FAM118A: variants seen among roughly 807,000 people sequenced by gnomAD.
FAM118A encodes the protein protein FAM118A.
In FAM118A, 25 loss-of-function variants were observed where a neutral mutation model predicts 38.2. The ratio of observed to expected loss-of-function variants is 0.65; its 90% CI spans 0.48 to 0.91. FAM118A has a LOEUF of 0.91. Among genes scored for constraint, FAM118A ranks in the 40% least tolerant of loss-of-function variants. The probability of loss-of-function intolerance (pLI) is 0.00; values close to 1 mark genes in which losing one functional copy is unlikely to be tolerated. For missense variants in FAM118A, 425 were observed against 463.3 expected (o/e 0.92, Z 0.76); for synonymous variants, 178 against 184.1 (o/e 0.97, Z 0.27).
chr22:45,327,627 GTC>G (rs1198228818), intron 3 of FAM118A, among the ~76,000 whole-genome samples: 3 of 152,160 alleles, frequency 2.0e-5, no homozygotes, highest in South Asian at 4.1e-4. Context: ...GCCTGCCCCC[GTC>G]TCTGCCGTGC....
intron 1 of FAM118A, among the ~76,000 whole-genome samples, chr22:45,319,936 T>A (rs1162074762): frequency 6.6e-6 from 1 of 152,134 alleles, no homozygotes; most frequent in Non-Finnish European, 1.5e-5. Context: ...TGGGGTAAGG[T>A]CGCAGACATG....
At chr22:45,327,726 C>A in intron 3 of FAM118A, 116 bp from the exon 4 acceptor site, 1 of 1,063,924 alleles carries the variant, frequency 9.4e-7, no homozygotes, top group South Asian at 1.4e-5. Context: ...GCTGTGAAGC[C>A]AGATTTTCTT....
intron 1 of FAM118A, among the ~76,000 whole-genome samples, chr22:45,314,210 C>T (rs1477579841): frequency 1.3e-5 from 2 of 152,150 alleles, no homozygotes; most frequent in African/African-American, 4.8e-5. Context: ...TTATCTGTTC[C>T]CACCCCGCCC....
chr22:45,312,086 G>A (rs2084394313), intron 1 of FAM118A, among the ~76,000 whole-genome samples: 3 of 152,234 alleles, frequency 2.0e-5, no homozygotes, highest in Admixed American at 6.5e-5. Context: ...ACCACCCATC[G>A]TGCTTTTTCT....
At chr22:45,335,465 C>T (rs113499350) in intron 7 of FAM118A, 83 bp downstream of exon 7, 183 of 1,510,082 alleles carry the variant, frequency 1.2e-4, no homozygotes, top group Middle Eastern at 1.7e-4. Context: ...AAATCATAAA[C>T]GTTTGTTTTT....
intron 3 of FAM118A, among the ~76,000 whole-genome samples, chr22:45,326,428 C>T (rs1180746628): frequency 2.0e-5 from 3 of 152,220 alleles, no homozygotes; most frequent in African/African-American, 7.2e-5. Flanking sequence ...TGGCTCATGC[C>T]TGTAATCCCA....
At chr22:45,331,889 C>T (rs892573191) in intron 5 of FAM118A, among the ~76,000 whole-genome samples, 8 of 113,348 alleles carry the variant, frequency 7.1e-5, no homozygotes, top group Non-Finnish European at 1.3e-4. Flanking sequence ...CAGTCATGGT[C>T]ACTGATCCCC....
chr22:45,328,929 G>A (rs900055550), intron 4 of FAM118A: 15 of 158,414 alleles, frequency 9.5e-5, no homozygotes, highest in Admixed American at 9.2e-4. Flanking sequence ...AGTGGCAGAA[G>A]GCAGAGTGGG....
chr22:45,332,382 G>C (rs1425811136), intron 5 of FAM118A, 43 bp from the exon 6 acceptor site: 2 of 1,579,240 alleles, frequency 1.3e-6, no homozygotes, highest in Non-Finnish European at 1.7e-6. Flanking sequence ...AGCTCTTGCT[G>C]TCTTTCAAAT....
intron 7 of FAM118A, 49 bp from the exon 8 acceptor site, chr22:45,336,279 C>A: frequency 1.4e-6 from 2 of 1,479,444 alleles, no homozygotes; most frequent in Non-Finnish European, 9.4e-7. Context: ...TGTGCCTTGG[C>A]GAGTGGATTC....
At chr22:45,326,050 C>T (rs866449820) in intron 3 of FAM118A, among the ~76,000 whole-genome samples, 1 of 151,922 alleles carries the variant, frequency 6.6e-6, no homozygotes, top group South Asian at 2.1e-4. Context: ...TTTCTTGTGC[C>T]GGCCAAGCAA....
intron 3 of FAM118A, among the ~76,000 whole-genome samples, chr22:45,325,336 C>T (rs1393370809): frequency 3.3e-5 from 5 of 152,124 alleles, no homozygotes; most frequent in African/African-American, 4.8e-5. Context: ...TGTTGAGAGT[C>T]GGAGAACAGG....
chr22:45,330,569 A>T, intron 4 of FAM118A, 34 bp from the exon 5 acceptor site: 3 of 1,488,920 alleles, frequency 2.0e-6, no homozygotes, highest in Non-Finnish European at 2.7e-6. Context: ...CAGTTTGAGG[A>T]TGTGTTTCTT....
In FAM118A at chr22:45,341,118, A is replaced by G. The variant is rs1459534729; in HGVS notation, c.*713A>G. On this transcript the variant is annotated 3_prime_UTR_variant, in exon 9 of 9. Coordinates refer to ENST00000441876, the MANE Select transcript of FAM118A (RefSeq NM_017911.4). ...GCGCCCAGCAAAATAAACACATTTT[A>G]TAATTTGTATGTGGAAACATGTTAC... is the stretch of plus-strand genomic sequence containing the variant. 1 of 152,246 alleles carries G rather than the reference A, an allele frequency of 6.6e-6. No homozygotes were observed. Among genetic ancestry groups the G allele is most frequent in the African/African-American group, 2.4e-5 (1 of 41,464 alleles). The allele number at this position is 152,246 out of a possible 1,614,324, so 9.4% of individuals were successfully genotyped here.
intron 1 of FAM118A, among the ~76,000 whole-genome samples, chr22:45,315,427 A>G (rs1202232384): frequency 1.3e-5 from 2 of 152,254 alleles, no homozygotes; most frequent in African/African-American, 4.8e-5. Flanking sequence ...TACCAGAACC[A>G]TGATTACACT....
chr22:45,314,061 A>G (rs182545750), intron 1 of FAM118A, among the ~76,000 whole-genome samples: 50 of 152,192 alleles, frequency 3.3e-4, no homozygotes, highest in Non-Finnish European at 6.2e-4. Context: ...GGTAGTAAGG[A>G]GTTCAGCCAG....
At chr22:45,337,951 G>A in intron 8 of FAM118A, 1 of 952,798 alleles carries the variant, frequency 1.0e-6, no homozygotes, top group Non-Finnish European at 1.2e-6. Context: ...ATGGGAACCT[G>A]TTCCCAGTGA....
At chr22:45,317,703 G>T (rs887686127) in intron 1 of FAM118A, among the ~76,000 whole-genome samples, 1 of 152,232 alleles carries the variant, frequency 6.6e-6, no homozygotes, top group African/African-American at 2.4e-5. Flanking sequence ...CGGCCCAGCA[G>T]GTTCTTATGC....
At position 45,330,640 on chromosome 22, in the gene FAM118A, T is replaced by C. The variant is rs754562874; in HGVS notation, c.560T>C (p.Val187Ala). The change falls in exon 5 of 9, where the codon GTC becomes GCC. Residue 187 changes from valine to alanine, a missense_variant. Coordinates refer to ENST00000441876, the MANE Select transcript of FAM118A (RefSeq NM_017911.4). ...GCAAGAGGGCACATGAAGTACGGCG[T>C]CCTCCACATTCACGGCCTCTACACG... ...EWARGHMKYGVLHIHGLYTDP... is the reference protein window; with the variant it reads ...EWARGHMKYGALHIHGLYTDP... 1.9e-6 allele frequency: 3 copies of C among 1,587,502 alleles called. No individual in the cohort carries two copies. In the East Asian group the frequency reaches 6.9e-5, roughly 36 times the overall value.
Sources: allele counts gnomAD v4.1 joint callset (sites outside exome capture counted in the v4.1 genomes callset), GRCh38; gene constraint gnomAD v4.1.1; transcripts MANE v1.5; gene names NCBI Gene and HGNC (gene_info 2026-07-23, HGNC 2026-07-21).